CFAP99: variants seen among roughly 807,000 people sequenced by gnomAD.
CFAP99 encodes cilia- and flagella-associated protein 99.
CFAP99 carries 84 observed loss-of-function variants against 82.7 expected under a neutral mutation model. The ratio of observed to expected loss-of-function variants is 1.02; its 90% CI spans 0.85 to 1.22. The LOEUF is 1.22. Ranked by LOEUF, CFAP99 falls within the 50% of genes most tolerant of loss-of-function variation. The pLI is 0.00. For synonymous variants in CFAP99, 456 were observed against 429.5 expected (o/e 1.06, Z -0.76); for missense variants, 1,059 against 983.5 (o/e 1.08, Z -1.03).
Position 2,446,456 on chromosome 4 carries a change from G to A in CFAP99, c.642+1148G>A, listed in dbSNP as rs1734168637. Among the ~76,000 whole-genome samples, 1 of 151,876 alleles carries A rather than the reference G, an allele frequency of 6.6e-6. No individual in the cohort carries two copies. The highest frequency in any genetic ancestry group is 2.1e-4 in the South Asian group (1 of 4,820). On this transcript the variant is annotated intron_variant, in intron 6 of 14. Coordinates refer to ENST00000635017, the Ensembl canonical transcript of CFAP99. The surrounding 1 kb of genome is among the most constrained non-coding windows in gnomAD (Gnocchi z 5.0). ...CACCCAGGCTGGAGTGCAGTGGCAC[G>A]ATCTTGGCTCACTGCAACCTCTGCC...
Position 2,461,390 on chromosome 4 carries a change from C to T in CFAP99, c.1662-1053C>T, listed in dbSNP as rs539435547. Reference sequence around the variant, plus strand: ...ATGGCGGGGCGGACAGAAGGAAGGACTAATCATTGCTGATGGAAGAGAGCC... The same window carrying T: ...ATGGCGGGGCGGACAGAAGGAAGGATTAATCATTGCTGATGGAAGAGAGCC... On this transcript the variant is annotated intron_variant, in intron 14 of 14. Transcript: ENST00000635017. 1.2e-4 allele frequency among the ~76,000 whole-genome samples: 19 copies of T among 152,304 alleles called. 1 individual carries two copies. The South Asian group carries it at 3.9e-3, about 32-fold the overall frequency.
intron 13 of CFAP99, 112 bp downstream of exon 13, chr4:2,459,370 C>T (rs1734522406): frequency 7.8e-7 from 1 of 1,286,630 alleles, no homozygotes; most frequent in Non-Finnish European, 1.0e-6. Flanking sequence ...CTTGCACCAC[C>T]TGAAACCTGG....
chr4:2,432,588 G>A (rs1396581754), intron 2 of CFAP99, among the ~76,000 whole-genome samples: 3 of 151,808 alleles, frequency 2.0e-5, no homozygotes, highest in Non-Finnish European at 4.4e-5. Context: ...AACCTGCCCC[G>A]GCCTGGACCT....
In CFAP99 at chr4:2,460,045, C is replaced by G. The variant is rs947539108; in HGVS notation, c.1464C>G (p.Gly488=). Residue 488 remains glycine (G), a synonymous_variant, in exon 14 of 15, where the codon GGC becomes GGG. Coordinates refer to ENST00000635017, the Ensembl canonical transcript of CFAP99. ...CCCCTACCACCCCACAGATCCCCGG[C>G]TACGGCCTGGAAGGAGAGATGTCCA... 1.9e-5 allele frequency: 29 copies of G among 1,535,776 alleles called. No individual in the cohort carries two copies. The African/African-American group carries it at 3.6e-4, about 19-fold the overall frequency.
At position 2,448,392 on chromosome 4, in the gene CFAP99, T is replaced by A. The variant is rs1734218966; in HGVS notation, c.643-1278T>A. 6.6e-6 allele frequency among the ~76,000 whole-genome samples: 1 copy of A among 152,202 alleles called. No homozygotes were observed. The highest frequency in any genetic ancestry group is 1.5e-5 in the Non-Finnish European group (1 of 68,026). On this transcript the variant is annotated intron_variant, in intron 6 of 14. Transcript: ENST00000635017. This position sits in a 1 kb window ranked among gnomAD's most constrained non-coding sequence, Gnocchi z 5.2. Reference sequence around the variant, plus strand: ...TTTGTGGACATGTACCTTCTCTGCATCCACAGGGTGGCTGTGCTGAAACTA... The same window carrying A: ...TTTGTGGACATGTACCTTCTCTGCAACCACAGGGTGGCTGTGCTGAAACTA...
rs1462414129 is a variant in CFAP99 at position 2,446,941 on chromosome 4, A to G, written c.642+1633A>G. On this transcript the variant is annotated intron_variant, in intron 6 of 14. Coordinates refer to ENST00000635017, the Ensembl canonical transcript of CFAP99. This position sits in a 1 kb window ranked among gnomAD's most constrained non-coding sequence, Gnocchi z 5.0. Reference sequence around the variant, plus strand: ...GGTATGTGGGTAAGTGGGTGGATGGATGTCAAATGGATGAAGAGATGATCA... The same window carrying G: ...GGTATGTGGGTAAGTGGGTGGATGGGTGTCAAATGGATGAAGAGATGATCA... Among the ~76,000 whole-genome samples the G allele has an allele frequency of 6.6e-6, 1 of 152,024 alleles. No homozygotes were observed. Among genetic ancestry groups the G allele is most frequent in the Non-Finnish European group, 1.5e-5 (1 of 68,004 alleles).
intron 5 of CFAP99, among the ~76,000 whole-genome samples, 188 bp from the exon 6 acceptor site, chr4:2,444,943 G>A (rs750291421): frequency 1.6e-4 from 25 of 152,148 alleles, no homozygotes; most frequent in African/African-American, 5.1e-4. Flanking sequence ...ATGTTTCAGG[G>A]GTTTAGTTGA....
At chr4:2,458,047 A>G (rs1335400106) in intron 11 of CFAP99, among the ~76,000 whole-genome samples, 1 of 151,940 alleles carries the variant, frequency 6.6e-6, no homozygotes, top group Non-Finnish European at 1.5e-5. Flanking sequence ...CCACGTTCCC[A>G]AAGAGCCAGG....
In CFAP99 at chr4:2,438,306, A is replaced by G. The variant is rs1004080365; in HGVS notation, c.351+142A>G. The G allele has an allele frequency of 1.2e-4, 75 of 604,202 alleles. No homozygotes were observed. The East Asian group carries it at 2.2e-3, about 18-fold the overall frequency. 37.4% of individuals were successfully genotyped at this position (604,202 alleles called of 1,614,324 possible). ...GAGACGGAGTCTCACTCTGTCGCCC[A>G]GGCTGGAGGGCAGTGGCGCGATCTC... On this transcript the variant is annotated intron_variant, in intron 4 of 14. Coordinates refer to ENST00000635017, the Ensembl canonical transcript of CFAP99.
rs745804532 is a variant in CFAP99, at chr4:2,451,307, G to A, written c.911G>A (p.Arg304Gln). 88 of 1,536,046 alleles carry A rather than the reference G, an allele frequency of 5.7e-5. No homozygotes were observed. Among genetic ancestry groups the A allele is most frequent in the Non-Finnish European group, 2.1e-5 (24 of 1,146,866 alleles). The change falls in exon 10 of 15, where the codon CGA (arginine) becomes CAA (glutamine). Residue 304 changes from arginine (R) to glutamine (Q), a missense_variant. Transcript: ENST00000635017. ...AAGCTGAACACCACAGCCATCCTGCGAGAAGGGGCCTTGTACCAGCGGCAG... is the reference window on the plus strand; with the variant it reads ...AAGCTGAACACCACAGCCATCCTGCAAGAAGGGGCCTTGTACCAGCGGCAG...
At chr4:2,455,393 C>T (rs545343944) in intron 11 of CFAP99, among the ~76,000 whole-genome samples, 1 of 152,286 alleles carries the variant, frequency 6.6e-6, no homozygotes, top group East Asian at 1.9e-4. Context: ...CCACTCTTGG[C>T]TGGGTGTGGT....
rs958291546 is a variant in CFAP99, at chr4:2,458,588, C to T, written c.1162-135C>T. ...ACCGCCAGGAGTGAATGGGCTTAGA[C>T]CTGGGTTCTGGGGTGATTCAAGGGC... On this transcript the variant is annotated intron_variant, in intron 11 of 14. Coordinates refer to ENST00000635017, the Ensembl canonical transcript of CFAP99. The T allele has an allele frequency of 3.6e-5, 42 of 1,163,800 alleles. No individual in the cohort carries two copies. In the African/African-American group the frequency reaches 5.9e-4, roughly 16 times the overall value. The allele number at this position is 1,163,800 out of a possible 1,614,324, so 72.1% of individuals were successfully genotyped here. A position where few individuals can be genotyped will look rare whatever the true frequency, so the allele number is the denominator to read the frequency against.
intron 4 of CFAP99, among the ~76,000 whole-genome samples, chr4:2,440,841 G>A (rs935062709): frequency 9.9e-5 from 15 of 151,746 alleles, no homozygotes; most frequent in Middle Eastern, 3.4e-3. Flanking sequence ...TGATCCACCC[G>A]TCTCAGACTC....
At chr4:2,457,360 A>G (rs1315916908) in intron 11 of CFAP99, among the ~76,000 whole-genome samples, 1 of 152,088 alleles carries the variant, frequency 6.6e-6, no homozygotes, top group Non-Finnish European at 1.5e-5. Flanking sequence ...CTTCATTTTA[A>G]TTTTGAAGGT....
Position 2,462,589 on chromosome 4 carries a change from C to T in CFAP99, c.1808C>T (p.Ala603Val). 1 of 1,426,286 alleles carries T rather than the reference C, an allele frequency of 7.0e-7. No homozygotes were observed. Among genetic ancestry groups the T allele is most frequent in the Non-Finnish European group, 9.2e-7 (1 of 1,092,878 alleles). 88.4% of individuals were successfully genotyped at this position (1,426,286 alleles called of 1,614,324 possible). A position where few individuals can be genotyped will look rare whatever the true frequency, so the allele number is the denominator to read the frequency against. Reference sequence around the variant, plus strand: ...CTGCACGTGTCGGCGCCGCGGACCGCGCGCCCCAAGCCCCGGGTGAGTCCG... The same window carrying T: ...CTGCACGTGTCGGCGCCGCGGACCGTGCGCCCCAAGCCCCGGGTGAGTCCG... Residue 603 changes from alanine to valine, a missense_variant, in exon 15 of 15, where the codon GCG becomes GTG. Ala to Val is a moderately conservative substitution (Grantham distance 64). Coordinates refer to ENST00000635017, the Ensembl canonical transcript of CFAP99. The surrounding 1 kb of genome is among the most constrained non-coding windows in gnomAD (Gnocchi z 4.1).
In CFAP99 at chr4:2,443,186, G is replaced by C. The variant is rs574711423; in HGVS notation, c.408G>C (p.Trp136Cys). The C allele has an allele frequency of 3.5e-5, 53 of 1,535,824 alleles. No individual in the cohort carries two copies. In the South Asian group the frequency reaches 5.1e-4, roughly 15 times the overall value. ...TGTGCTCATGGATCAAGGATGAGTG[G>C]AGCCTCATCTACGAGCCAGCCCACG... The change falls in exon 5 of 15, where the codon TGG becomes TGC. Residue 136 changes from tryptophan to cysteine, a missense_variant. By Grantham distance (215) the Trp-to-Cys change is radical. Coordinates refer to ENST00000635017, the Ensembl canonical transcript of CFAP99.
At chr4:2,457,107 C>T (rs887342663) in intron 11 of CFAP99, among the ~76,000 whole-genome samples, 8 of 152,036 alleles carry the variant, frequency 5.3e-5, no homozygotes, top group Admixed American at 1.3e-4. Flanking sequence ...CAGGAGCCAC[C>T]GGGCCTGGCT....
At chr4:2,433,100 G>C (rs1196692814) in intron 2 of CFAP99, among the ~76,000 whole-genome samples, 1 of 151,486 alleles carries the variant, frequency 6.6e-6, no homozygotes, top group East Asian at 1.9e-4. Context: ...GCGTGGACTG[G>C]GATGTCATTT....
intron 2 of CFAP99, among the ~76,000 whole-genome samples, chr4:2,433,294 G>A (rs1271091277): frequency 6.6e-6 from 1 of 152,326 alleles, no homozygotes; most frequent in East Asian, 1.9e-4. Flanking sequence ...GCCTGAGCCG[G>A]GGAGGCCAGA....
Sources: gnomAD v4.1 joint callset for allele counts (sites outside exome capture counted in the v4.1 genomes callset) on GRCh38, gnomAD v4.1.1 for gene constraint, Gnocchi (gnomAD v3.1) non-coding constraint, MANE v1.5 for transcripts, NCBI Gene and HGNC (gene_info 2026-07-23, HGNC 2026-07-21) for gene names.